The following VAV3 variants were observed in gnomAD, a reference collection of about 807,000 sequenced individuals.
VAV3 encodes the protein vav guanine nucleotide exchange factor 3.
VAV3 carries 94 observed loss-of-function variants against 131.2 expected under a neutral mutation model. That is an observed-to-expected ratio of 0.72 (90% confidence interval 0.61 to 0.85). The LOEUF (loss-of-function observed/expected upper bound fraction) is 0.85. VAV3 is among the 40% of genes least tolerant of loss of function. VAV3 has a pLI of 0.00. For missense variants in VAV3, 939 were observed against 1,002.7 expected, an observed-to-expected ratio of 0.94 and a Z score of 0.86; for synonymous variants, 349 against 342.0, an observed-to-expected ratio of 1.02 and a Z score of -0.22.
intron 25 of VAV3, among the ~76,000 whole-genome samples, chr1:107,575,630 C>T (rs570500937): frequency 1.8e-4 from 28 of 152,164 alleles, no homozygotes; most frequent in Non-Finnish European, 3.5e-4. Context: ...CACATAAAAA[C>T]ACCCCTATGA....
chr1:107,814,653 T>G (rs936460568), intron 2 of VAV3, among the ~76,000 whole-genome samples: 5 of 152,218 alleles, frequency 3.3e-5, no homozygotes, highest in African/African-American at 1.2e-4. Context: ...TTTTCTAGTT[T>G]TGATTTGTTG....
intron 15 of VAV3, among the ~76,000 whole-genome samples, chr1:107,722,598 G>T (rs186429735): frequency 6.6e-6 from 1 of 152,206 alleles, no homozygotes; most frequent in East Asian, 1.9e-4. Context: ...TCCAAACAAT[G>T]TCCAATAAGA....
intron 15 of VAV3, among the ~76,000 whole-genome samples, chr1:107,731,170 C>A (rs1662216431): frequency 6.6e-6 from 1 of 152,064 alleles, no homozygotes; most frequent in South Asian, 2.1e-4. Flanking sequence ...TACTCAAAAG[C>A]AGAATATTAA....
At chr1:107,951,616 A>C (rs1674537163) in intron 1 of VAV3, among the ~76,000 whole-genome samples, 1 of 152,190 alleles carries the variant, frequency 6.6e-6, no homozygotes, top group Non-Finnish European at 1.5e-5. Context: ...GAACTTAAAC[A>C]AATGTACAAG....
chr1:107,585,780 T>C (rs565666201), intron 25 of VAV3, among the ~76,000 whole-genome samples: 1 of 152,314 alleles, frequency 6.6e-6, no homozygotes, highest in African/African-American at 2.4e-5. Context: ...GTAGCGTGCA[T>C]GCAATCTCCC....
chr1:107,790,323 T>G (rs577685199), intron 2 of VAV3, among the ~76,000 whole-genome samples: 4 of 152,298 alleles, frequency 2.6e-5, no homozygotes, highest in Non-Finnish European at 4.4e-5. Context: ...ACCTGGAAAT[T>G]CATCACCTAC....
intron 17 of VAV3, among the ~76,000 whole-genome samples, chr1:107,701,840 C>T (rs1660151428): frequency 6.6e-6 from 1 of 152,164 alleles, no homozygotes; most frequent in Non-Finnish European, 1.5e-5. Flanking sequence ...GGGACCACCT[C>T]AGCCCGAACT....
intron 26 of VAV3, 75 bp downstream of exon 26, chr1:107,573,972 G>A: frequency 6.4e-7 from 1 of 1,568,652 alleles, no homozygotes; most frequent in Non-Finnish European, 8.7e-7. Context: ...CTTCTCCCTG[G>A]TGCCACAATG....
intron 1 of VAV3, among the ~76,000 whole-genome samples, chr1:107,875,370 G>A (rs1373056915): frequency 1.3e-5 from 2 of 152,140 alleles, no homozygotes; most frequent in East Asian, 3.9e-4. Flanking sequence ...AGAGTTGGTG[G>A]GGCTGGGTGG....
intron 21 of VAV3, among the ~76,000 whole-genome samples, chr1:107,614,355 C>T (rs1489458463): frequency 2.0e-5 from 3 of 152,028 alleles, no homozygotes; most frequent in African/African-American, 7.2e-5. Flanking sequence ...TTCAGCACTA[C>T]TCATGGACCC....
intron 15 of VAV3, 59 bp from the exon 16 acceptor site, chr1:107,705,120 G>T: frequency 1.5e-6 from 2 of 1,342,562 alleles, no homozygotes; most frequent in Admixed American, 1.9e-5. Context: ...CTGCAATTTA[G>T]TCATCTAAAC....
intron 19 of VAV3, among the ~76,000 whole-genome samples, chr1:107,659,398 G>A (rs1656835717): frequency 6.6e-6 from 1 of 152,116 alleles, no homozygotes; most frequent in Non-Finnish European, 1.5e-5. Context: ...AATGGCCACA[G>A]ATGGTCCTGT....
intron 1 of VAV3, among the ~76,000 whole-genome samples, chr1:107,887,179 C>T (rs1671075921): frequency 1.3e-5 from 2 of 152,338 alleles, no homozygotes; most frequent in Admixed American, 1.3e-4. Flanking sequence ...ATGCTCCGTC[C>T]AACCTGGCAG....
chr1:107,743,473 G>A (rs1221310597), intron 15 of VAV3, among the ~76,000 whole-genome samples: 2 of 152,140 alleles, frequency 1.3e-5, no homozygotes, highest in East Asian at 3.9e-4. Context: ...GATTTGAATA[G>A]AAATATCAAG....
At chr1:107,876,773 A>G (rs1670521106) in intron 1 of VAV3, among the ~76,000 whole-genome samples, 1 of 152,204 alleles carries the variant, frequency 6.6e-6, no homozygotes, top group Non-Finnish European at 1.5e-5. Flanking sequence ...ACATGTGAAA[A>G]CTTTAAATAG....
rs893215046 is a variant in VAV3, at chr1:107,759,447, C to T, written c.1017+1337G>A. On this transcript the variant is annotated intron_variant, in intron 10 of 26. Coordinates refer to ENST00000370056, the MANE Select transcript of VAV3 (RefSeq NM_006113.5). Reference sequence around the variant, plus strand: ...AATCATCAAGCATTTCAAGTGATTTCGCCACTAAAGTATAGTAGTAAGTAA... The same window carrying T: ...AATCATCAAGCATTTCAAGTGATTTTGCCACTAAAGTATAGTAGTAAGTAA... Among the ~76,000 whole-genome samples, 6 of 152,102 alleles carry T rather than the reference C, an allele frequency of 3.9e-5. No individual in the cohort carries two copies. The South Asian group carries it at 6.2e-4, about 16-fold the overall frequency.
At chr1:107,933,551 T>C (rs1297628714) in intron 1 of VAV3, among the ~76,000 whole-genome samples, 1 of 152,070 alleles carries the variant, frequency 6.6e-6, no homozygotes, top group East Asian at 1.9e-4. Context: ...CATATGAAAA[T>C]TGAATCTCCC....
intron 4 of VAV3, among the ~76,000 whole-genome samples, chr1:107,774,125 G>A (rs1010488413): frequency 6.6e-6 from 1 of 152,126 alleles, no homozygotes; most frequent in Non-Finnish European, 1.5e-5. Flanking sequence ...GGAGTACGGT[G>A]GTGCAGTCTT....
At chr1:107,747,114 A>G (rs1461895894) in intron 15 of VAV3, among the ~76,000 whole-genome samples, 6 of 152,136 alleles carry the variant, frequency 3.9e-5, no homozygotes, top group Non-Finnish European at 8.8e-5. Context: ...TCCTGACCTC[A>G]GGTGAATTGC....
Sources: gnomAD v4.1 joint callset for allele counts (sites outside exome capture counted in the v4.1 genomes callset) on GRCh38, gnomAD v4.1.1 for gene constraint, MANE v1.5 for transcripts, NCBI Gene and HGNC (gene_info 2026-07-23, HGNC 2026-07-21) for gene names.